The following CACNA1D variants were observed in gnomAD, a reference collection of about 807,000 sequenced individuals.
CACNA1D encodes calcium voltage-gated channel subunit alpha1 D.
CACNA1D carries 55 observed loss-of-function variants against 257.1 expected under a neutral mutation model. That is an observed-to-expected ratio of 0.21 (90% CI 0.17 to 0.27). CACNA1D has a LOEUF of 0.27. Among genes scored for constraint, CACNA1D ranks in the 10% least tolerant of loss-of-function variants. CACNA1D has a pLI of 1.00. For missense variants in CACNA1D, 1,876 were observed against 2,784.0 expected, an observed-to-expected ratio of 0.67 and a Z score of 7.34; for synonymous variants, 980 against 1,014.9, an observed-to-expected ratio of 0.97 and a Z score of 0.65.
At chr3:53,543,578 C>T (rs1379432618) in intron 3 of CACNA1D, among the ~76,000 whole-genome samples, 1 of 152,216 alleles carries the variant, frequency 6.6e-6, no homozygotes, top group Non-Finnish European at 1.5e-5. Context: ...AATTATTGTC[C>T]TAATAATAGC....
chr3:53,714,774 C>T (rs1212178673), intron 9 of CACNA1D, among the ~76,000 whole-genome samples: 9 of 152,134 alleles, frequency 5.9e-5, no homozygotes, highest in African/African-American at 1.4e-4. Context: ...GGCATTTTGG[C>T]GAGTTCTGTC....
At chr3:53,730,937 G>A (rs2094985314) in intron 16 of CACNA1D, 140 bp from the exon 17 acceptor site, 2 of 658,388 alleles carry the variant, frequency 3.0e-6, no homozygotes, top group African/African-American at 1.8e-5. Flanking sequence ...TTTGGGTTGT[G>A]CTAGGCTCTT....
At chr3:53,711,598 A>T (rs2612012) in intron 9 of CACNA1D, among the ~76,000 whole-genome samples, 2 of 152,200 alleles carry the variant, frequency 1.3e-5, no homozygotes, top group East Asian at 3.9e-4. Context: ...AGATTCAGAC[A>T]GCAGGGACGT....
Position 53,800,727 on chromosome 3 carries a change from C to T in CACNA1D, c.5041-331C>T, listed in dbSNP as rs2095532308. On this transcript the variant is annotated intron_variant, in intron 41 of 47. Transcript: ENST00000350061. The surrounding 1 kb of genome is among the most constrained non-coding windows in gnomAD (Gnocchi z 4.3). ...TGATCTGCCAGCTGGCTGTCAGTCC[C>T]CCAGCCCAGAGAGCATGCCCAACCT... The T allele has an allele frequency of 2.0e-6, 1 of 503,780 alleles. No individual in the cohort carries two copies. Among genetic ancestry groups the T allele is most frequent in the Non-Finnish European group, 3.6e-6 (1 of 276,998 alleles). The allele number at this position is 503,780 out of a possible 1,614,324, so 31.2% of individuals were successfully genotyped here.
intron 3 of CACNA1D, among the ~76,000 whole-genome samples, chr3:53,603,405 T>G (rs1245071818): frequency 1.3e-5 from 2 of 152,226 alleles, no homozygotes; most frequent in African/African-American, 4.8e-5. Flanking sequence ...GCCTCGGATT[T>G]CTCATCTGTA....
rs2108864819 is a variant in CACNA1D, at chr3:53,749,283, C to A, written c.3330C>A (p.Ala1110=). The A allele has an allele frequency of 2.5e-6, 4 of 1,613,726 alleles. No homozygotes were observed. The Middle Eastern group carries it at 6.6e-4, about 266-fold the overall frequency. The change falls in exon 27 of 48, where the codon GCC becomes GCA. Residue 1110 remains alanine (A), a synonymous_variant. Transcript: ENST00000350061. ...CTCTCTCTAGGTTGCTGTATAAAGC[C>A]ATCGACTCGAATGGAGAGAACATCG... ...FEGWPALLYK[A]IDSNGENIGP... is the part of the protein sequence containing the mutation.
intron 8 of CACNA1D, among the ~76,000 whole-genome samples, chr3:53,696,024 T>G (rs1270310969): frequency 1.3e-5 from 2 of 152,162 alleles, no homozygotes; most frequent in African/African-American, 4.8e-5. Flanking sequence ...AGTGCAGTGG[T>G]ACAGTCACAG....
chr3:53,810,103 C>T lies in CACNA1D; in HGVS notation c.5997C>T (p.Pro1999=). ...PYRDWTPCYT[P]LIQVEQSEAL... ...GGGACTGGACACCGTGCTACACCCC[C>T]CTGATCCAAGTGGAGCAGTCAGAGG... The change falls in exon 47 of 48, where the codon CCC becomes CCT. Residue 1999 remains proline (P), a synonymous_variant. Transcript: ENST00000350061. 1.2e-6 allele frequency: 2 copies of T among 1,614,030 alleles called. No individual in the cohort carries two copies. The highest frequency in any genetic ancestry group is 1.7e-6 in the Non-Finnish European group (2 of 1,180,040).
chr3:53,606,599 A>G (rs1031363654), intron 3 of CACNA1D, among the ~76,000 whole-genome samples: 7 of 152,252 alleles, frequency 4.6e-5, no homozygotes, highest in African/African-American at 1.7e-4. Context: ...CTGTATTATC[A>G]GTAAATGTGA....
intron 3 of CACNA1D, among the ~76,000 whole-genome samples, chr3:53,602,996 T>A (rs2093463971): frequency 6.6e-6 from 1 of 151,950 alleles, no homozygotes; most frequent in African/African-American, 2.4e-5. Flanking sequence ...TCTTGGAGAG[T>A]GAGATGCAGT....
At chr3:53,694,037 C>T (rs937850648) in intron 8 of CACNA1D, among the ~76,000 whole-genome samples, 3 of 152,176 alleles carry the variant, frequency 2.0e-5, no homozygotes, top group Non-Finnish European at 2.9e-5. Context: ...CTTGCATCTG[C>T]GGCAGTCCCA....
At chr3:53,638,036 C>G (rs966167065) in intron 3 of CACNA1D, among the ~76,000 whole-genome samples, 7 of 152,098 alleles carry the variant, frequency 4.6e-5, no homozygotes, top group African/African-American at 1.7e-4. Flanking sequence ...TCTATGGTGT[C>G]GGCACACTCA....
intron 3 of CACNA1D, among the ~76,000 whole-genome samples, chr3:53,619,446 A>G (rs1001695489): frequency 6.6e-6 from 1 of 152,196 alleles, no homozygotes; most frequent in Non-Finnish European, 1.5e-5. Flanking sequence ...GGTGCTGGAA[A>G]TTATAACCAG....
intron 9 of CACNA1D, among the ~76,000 whole-genome samples, chr3:53,712,760 G>A (rs981904178): frequency 1.1e-4 from 16 of 152,144 alleles, no homozygotes; most frequent in African/African-American, 3.6e-4. Flanking sequence ...CTTGGAGGTG[G>A]AAGGAAATGC....
chr3:53,567,262 T>C (rs76476226), intron 3 of CACNA1D, among the ~76,000 whole-genome samples: 1,947 of 152,356 alleles, frequency 0.013, 45 homozygotes, highest in African/African-American at 0.043. Flanking sequence ...TTATTGTTGA[T>C]GTCCAACATT....
intron 3 of CACNA1D, among the ~76,000 whole-genome samples, chr3:53,570,650 A>C (rs1348059908): frequency 6.6e-6 from 1 of 152,260 alleles, no homozygotes; most frequent in Non-Finnish European, 1.5e-5. Flanking sequence ...AAGATAGCAC[A>C]TGCAAACATA....
At chr3:53,736,704 C>T (rs2095060497) in intron 20 of CACNA1D, among the ~76,000 whole-genome samples, 1 of 151,862 alleles carries the variant, frequency 6.6e-6, no homozygotes, top group Non-Finnish European at 1.5e-5. Context: ...CTAGTCTAGG[C>T]AACATAGTGA....
chr3:53,532,223 A>G (rs1035402408), intron 3 of CACNA1D, among the ~76,000 whole-genome samples: 4 of 152,246 alleles, frequency 2.6e-5, no homozygotes, highest in Admixed American at 1.3e-4. Context: ...GTAGACCACA[A>G]GAAGTCAGTG....
At chr3:53,722,664 A>T (rs1231499732) in intron 12 of CACNA1D, among the ~76,000 whole-genome samples, 190 bp downstream of exon 12, 1 of 152,210 alleles carries the variant, frequency 6.6e-6, no homozygotes, top group African/African-American at 2.4e-5. Flanking sequence ...GTGGTGAAGC[A>T]CCTTGGAGCC....
Sources: gnomAD v4.1 joint callset for allele counts (sites outside exome capture counted in the v4.1 genomes callset) on GRCh38, gnomAD v4.1.1 for gene constraint, Gnocchi (gnomAD v3.1) non-coding constraint, MANE v1.5 for transcripts, NCBI Gene and HGNC (gene_info 2026-07-23, HGNC 2026-07-21) for gene names.